Variants in COMMD10 observed in about 807,000 individuals in gnomAD.
COMMD10 encodes the protein COMM domain-containing protein 10.
In COMMD10, 33 loss-of-function variants were observed where a neutral mutation model predicts 28.9. The observed-to-expected ratio is 1.14, with a 90% CI of 0.87 to 1.53. The LOEUF is 1.53. Ranked by LOEUF, COMMD10 falls within the 40% of genes most tolerant of loss-of-function variation. COMMD10 has a pLI of 0.00. For synonymous variants in COMMD10, 110 were observed against 81.7 expected (o/e 1.35, Z -1.87); for missense variants, 310 against 233.4 (o/e 1.33, Z -2.14).
At chr5:116,192,122 C>T (rs534877855) in intron 5 of COMMD10, among the ~76,000 whole-genome samples, 1 of 152,208 alleles carries the variant, frequency 6.6e-6, no homozygotes, top group South Asian at 2.1e-4. Flanking sequence ...GAGAGTACTA[C>T]ATCAAGGGAA....
chr5:116,142,390 T>G (rs1029896873), intron 5 of COMMD10, among the ~76,000 whole-genome samples: 1 of 151,812 alleles, frequency 6.6e-6, no homozygotes, highest in Non-Finnish European at 1.5e-5. Context: ...AGATGCTCAG[T>G]AAACCTTTAT....
intron 4 of COMMD10, among the ~76,000 whole-genome samples, chr5:116,124,248 C>T (rs1420954263): frequency 2.0e-5 from 3 of 152,134 alleles, no homozygotes; most frequent in Admixed American, 6.6e-5. Flanking sequence ...AATTGTGTCC[C>T]AGAGATTCTG....
intron 4 of COMMD10, among the ~76,000 whole-genome samples, chr5:116,129,757 T>G (rs2112766806): frequency 7.9e-6 from 1 of 126,416 alleles, no homozygotes; most frequent in East Asian, 2.1e-4. Flanking sequence ...ATATATATAC[T>G]ATATACTATA....
At chr5:116,201,766 TC>T (rs1386203607) in intron 5 of COMMD10, among the ~76,000 whole-genome samples, 1 of 152,122 alleles carries the variant, frequency 6.6e-6, no homozygotes, top group African/African-American at 2.4e-5. Flanking sequence ...TCGTTGGGTT[TC>T]AAGTCTGTGA....
chr5:116,233,870 G>C (rs1157558858), intron 5 of COMMD10, among the ~76,000 whole-genome samples: 1 of 152,148 alleles, frequency 6.6e-6, no homozygotes, highest in East Asian at 1.9e-4. Flanking sequence ...CTCGTTTTCA[G>C]ATGGGAAGCT....
intron 5 of COMMD10, among the ~76,000 whole-genome samples, chr5:116,208,353 A>G (rs1315676630): frequency 1.3e-5 from 2 of 152,126 alleles, no homozygotes; most frequent in South Asian, 2.1e-4. Flanking sequence ...AGGCTCCTGT[A>G]AGTCCATCAC....
At chr5:116,120,486 C>T (rs11950852) in intron 4 of COMMD10, among the ~76,000 whole-genome samples, 57,309 of 151,834 alleles carry the variant, frequency 0.38, 13,227 homozygotes, top group Non-Finnish European at 0.51. Context: ...ACCTGTACCC[C>T]AAAAACTATT....
intron 5 of COMMD10, among the ~76,000 whole-genome samples, chr5:116,258,092 A>G (rs1035629204): frequency 2.0e-5 from 3 of 151,820 alleles, no homozygotes; most frequent in Middle Eastern, 3.2e-3. Context: ...TTTGAAGAAA[A>G]GCAAATTCAT....
chr5:116,148,396 G>T (rs747421970), intron 5 of COMMD10, among the ~76,000 whole-genome samples: 1 of 151,554 alleles, frequency 6.6e-6, no homozygotes, highest in African/African-American at 2.4e-5. Context: ...GAGTAGATAC[G>T]AAGTTTCTTT....
intron 5 of COMMD10, among the ~76,000 whole-genome samples, chr5:116,202,632 G>A (rs946295669): frequency 6.6e-6 from 1 of 151,882 alleles, no homozygotes; most frequent in Non-Finnish European, 1.5e-5. Flanking sequence ...TTGTCTGATG[G>A]CCAGTGATGA....
chr5:116,090,050 G>A (rs967625452), intron 2 of COMMD10, among the ~76,000 whole-genome samples: 2 of 152,090 alleles, frequency 1.3e-5, no homozygotes, highest in African/African-American at 4.8e-5. Context: ...CCCTCTACTG[G>A]TACTTTTATT....
intron 6 of COMMD10, 67 bp downstream of exon 6, chr5:116,291,643 G>A: frequency 1.1e-6 from 1 of 895,464 alleles, no homozygotes; most frequent in African/African-American, 1.7e-5. Context: ...TTCATTTTAT[G>A]AATTCTTATT....
At chr5:116,236,638 G>C (rs1029486909) in intron 5 of COMMD10, among the ~76,000 whole-genome samples, 5 of 151,722 alleles carry the variant, frequency 3.3e-5, no homozygotes, top group African/African-American at 1.2e-4. Context: ...TGACATTCTA[G>C]AAGAGACAAA....
chr5:116,176,787 C>G (rs775509352), intron 5 of COMMD10, among the ~76,000 whole-genome samples: 1 of 151,934 alleles, frequency 6.6e-6, no homozygotes, highest in Non-Finnish European at 1.5e-5. Flanking sequence ...AATAAGGAGA[C>G]AGAAACCACA....
intron 5 of COMMD10, among the ~76,000 whole-genome samples, chr5:116,249,848 T>C (rs994808648): frequency 2.6e-5 from 4 of 151,888 alleles, no homozygotes; most frequent in Non-Finnish European, 5.9e-5. Context: ...CATCTGATTT[T>C]ATGAAATGAA....
chr5:116,182,882 A>G (rs186777861), intron 5 of COMMD10, among the ~76,000 whole-genome samples: 86 of 152,188 alleles, frequency 5.7e-4, no homozygotes, highest in African/African-American at 2.0e-3. Context: ...TGCTGTCCTT[A>G]TGATAGTGAG....
At chr5:116,155,043 A>G (rs752597808) in intron 5 of COMMD10, among the ~76,000 whole-genome samples, 2 of 152,136 alleles carry the variant, frequency 1.3e-5, no homozygotes, top group Non-Finnish European at 2.9e-5. Context: ...ACATTTATGT[A>G]TCTTTTAACA....
At chr5:116,243,547 T>C (rs1018702480) in intron 5 of COMMD10, among the ~76,000 whole-genome samples, 2 of 152,096 alleles carry the variant, frequency 1.3e-5, no homozygotes, top group African/African-American at 4.8e-5. Flanking sequence ...TTTAAACAAA[T>C]AAAAATATAG....
intron 4 of COMMD10, among the ~76,000 whole-genome samples, chr5:116,126,763 C>G (rs1485401254): frequency 6.6e-6 from 1 of 152,114 alleles, no homozygotes. Flanking sequence ...ACACCTTATA[C>G]AAAAATTAAT....
Sources: allele counts gnomAD v4.1 joint callset (sites outside exome capture counted in the v4.1 genomes callset), GRCh38; gene constraint gnomAD v4.1.1; transcripts MANE v1.5; gene names NCBI Gene and HGNC (gene_info 2026-07-23, HGNC 2026-07-21).